Variants in ADAMTSL3 observed in about 807,000 individuals in gnomAD.
ADAMTSL3 encodes ADAMTS like 3, also known as ADAMTS-like protein 3.
In ADAMTSL3, 128 loss-of-function variants were observed where a neutral mutation model predicts 201.7. The observed-to-expected ratio is 0.63, with a 90% CI of 0.55 to 0.73. The LOEUF (loss-of-function observed/expected upper bound fraction) is 0.73. Among genes scored for constraint, ADAMTSL3 ranks in the 30% least tolerant of loss-of-function variants. ADAMTSL3 has a pLI of 0.00. For missense variants in ADAMTSL3, 1,990 were observed against 2,119.6 expected, an observed-to-expected ratio of 0.94 and a Z score of 1.20; for synonymous variants, 738 against 748.4, an observed-to-expected ratio of 0.99 and a Z score of 0.23.
At chr15:83,899,147 A>G (rs1168502071) in intron 14 of ADAMTSL3, among the ~76,000 whole-genome samples, 2 of 152,160 alleles carry the variant, frequency 1.3e-5, no homozygotes, top group African/African-American at 2.4e-5. Context: ...TGCCAGATGT[A>G]ATTGGTAATC....
At chr15:84,026,308 A>G (rs2068306035) in intron 27 of ADAMTSL3, among the ~76,000 whole-genome samples, 1 of 152,200 alleles carries the variant, frequency 6.6e-6, no homozygotes, top group Non-Finnish European at 1.5e-5. Context: ...TATTTTTCAA[A>G]GAAACTAAAG....
intron 4 of ADAMTSL3, among the ~76,000 whole-genome samples, chr15:83,780,738 T>C (rs2063155254): frequency 6.6e-6 from 1 of 152,214 alleles, no homozygotes; most frequent in African/African-American, 2.4e-5. Context: ...AAAGGCTCCC[T>C]AAGCTGATAA....
Position 83,988,813 on chromosome 15 carries a change from A to G in ADAMTSL3, c.3839A>G (p.Tyr1280Cys), listed in dbSNP as rs2067530146. The G allele has an allele frequency of 2.0e-6, 3 of 1,528,440 alleles. No homozygotes were observed. The highest frequency in any genetic ancestry group is 1.4e-5 in the South Asian group (1 of 73,100). The allele number at this position is 1,528,440 out of a possible 1,614,324, so 94.7% of individuals were successfully genotyped here. ...GSDVESSSVL[Y>C]AEAPVILSVE... ...GATGTGGAAAGTTCTTCTGTGCTGT[A>G]TGCAGGTAATGCCCACTGTTGAAAT... Residue 1280 changes from tyrosine (Y) to cysteine (C), a missense_variant, in exon 22 of 30, where the codon TAT (tyrosine) becomes TGT (cysteine). By Grantham distance (194) the Tyr-to-Cys change is radical. Transcript: ENST00000286744.
intron 23 of ADAMTSL3, among the ~76,000 whole-genome samples, chr15:83,994,429 C>A (rs1392011786): frequency 1.3e-5 from 2 of 152,068 alleles, no homozygotes; most frequent in Non-Finnish European, 2.9e-5. Context: ...AACACATTCC[C>A]AAATGAATCT....
At position 83,913,080 on chromosome 15, in the gene ADAMTSL3, G is replaced by T; in HGVS notation, c.1701-12G>T. The T allele has an allele frequency of 4.3e-6, 7 of 1,610,154 alleles. No individual in the cohort carries two copies. Among genetic ancestry groups the T allele is most frequent in the Non-Finnish European group, 5.9e-6 (7 of 1,177,260 alleles). On this transcript the variant is annotated splice_polypyrimidine_tract_variant and intron_variant, in intron 15 of 29. Transcript: ENST00000286744. ...CAGTGTCCTTTTCTGGTGGCTTCCT[G>T]GTTTTCCCTAGGTTCATTCCAGAAC...
intron 23 of ADAMTSL3, among the ~76,000 whole-genome samples, chr15:84,006,462 C>T (rs1222235906): frequency 6.6e-6 from 1 of 152,142 alleles, no homozygotes; most frequent in Admixed American, 6.5e-5. Flanking sequence ...ATTTCATGGG[C>T]CTTTCAAGGA....
intron 5 of ADAMTSL3, among the ~76,000 whole-genome samples, chr15:83,816,248 C>G (rs2063768796): frequency 6.6e-6 from 1 of 152,198 alleles, no homozygotes; most frequent in South Asian, 2.1e-4. Context: ...AGTCCAACCC[C>G]AGATTGATAT....
At chr15:83,840,443 T>C (rs1428359685) in intron 7 of ADAMTSL3, among the ~76,000 whole-genome samples, 1 of 152,072 alleles carries the variant, frequency 6.6e-6, no homozygotes, top group Non-Finnish European at 1.5e-5. Flanking sequence ...GAGGGAAGGA[T>C]TTGCTCAGGA....
At chr15:83,810,978 A>T (rs939005617) in intron 5 of ADAMTSL3, among the ~76,000 whole-genome samples, 1 of 152,094 alleles carries the variant, frequency 6.6e-6, no homozygotes, top group Non-Finnish European at 1.5e-5. Context: ...ACCTCAAGTG[A>T]TCCGCCCACT....
intron 8 of ADAMTSL3, among the ~76,000 whole-genome samples, chr15:83,866,524 C>CT (rs2064981337): frequency 6.6e-6 from 1 of 151,902 alleles, no homozygotes; most frequent in South Asian, 2.1e-4. Flanking sequence ...AAAACAAACA[C>CT]TGTGTGTTCT....
intron 17 of ADAMTSL3, among the ~76,000 whole-genome samples, chr15:83,927,396 G>A (rs2066269112): frequency 6.6e-6 from 1 of 151,140 alleles, no homozygotes; most frequent in Admixed American, 6.6e-5. Context: ...TTACAGACGT[G>A]AGCCACCGCA....
chr15:83,897,763 T>C (rs1211477356), intron 13 of ADAMTSL3, 95 bp from the exon 14 acceptor site: 1 of 1,370,086 alleles, frequency 7.3e-7, no homozygotes, highest in African/African-American at 1.4e-5. Context: ...GTTTAACATT[T>C]ATGTAGTTCA....
At chr15:83,825,639 A>G (rs1199324458) in intron 6 of ADAMTSL3, among the ~76,000 whole-genome samples, 1 of 152,058 alleles carries the variant, frequency 6.6e-6, no homozygotes, top group Non-Finnish European at 1.5e-5. Flanking sequence ...ATATAAATAA[A>G]TAAAAGGAAT....
intron 3 of ADAMTSL3, among the ~76,000 whole-genome samples, chr15:83,732,872 G>A (rs1385464278): frequency 5.9e-5 from 9 of 152,118 alleles, no homozygotes; most frequent in East Asian, 5.8e-4. Context: ...GTGTCATTCC[G>A]AATGTGATTC....
intron 3 of ADAMTSL3, among the ~76,000 whole-genome samples, chr15:83,719,071 G>C (rs766932374): frequency 7.2e-5 from 11 of 152,038 alleles, no homozygotes; most frequent in Non-Finnish European, 1.6e-4. Context: ...CGCAAAAAGG[G>C]AGACAGCCAA....
chr15:84,014,866 C>A, intron 24 of ADAMTSL3, 142 bp downstream of exon 24: 1 of 827,606 alleles, frequency 1.2e-6, no homozygotes, highest in Non-Finnish European at 1.9e-6. Flanking sequence ...TGCTTAAAAA[C>A]GAGCACTAAA....
At chr15:83,916,631 A>G (rs1335988129) in intron 16 of ADAMTSL3, among the ~76,000 whole-genome samples, 2 of 152,152 alleles carry the variant, frequency 1.3e-5, no homozygotes, top group Admixed American at 6.5e-5. Context: ...CTAAGGCAAA[A>G]ACCAAAATCC....
intron 23 of ADAMTSL3, among the ~76,000 whole-genome samples, chr15:83,999,363 A>T (rs933558372): frequency 1.3e-5 from 2 of 152,134 alleles, no homozygotes; most frequent in Admixed American, 6.5e-5. Context: ...TTATTTTTTT[A>T]AAAAAGAGTA....
At chr15:83,861,906 C>G (rs1178579537) in intron 8 of ADAMTSL3, 2 of 152,134 alleles carry the variant, frequency 1.3e-5, no homozygotes, top group Non-Finnish European at 2.9e-5. Flanking sequence ...CTAGAATAAC[C>G]AATGCAGAGA....
Sources: gnomAD v4.1 joint callset for allele counts (sites outside exome capture counted in the v4.1 genomes callset) on GRCh38, gnomAD v4.1.1 for gene constraint, MANE v1.5 for transcripts, NCBI Gene and HGNC (gene_info 2026-07-23, HGNC 2026-07-21) for gene names.